Variants in ZBTB16 observed in about 807,000 individuals in gnomAD.
The protein encoded by ZBTB16 is zinc finger and BTB domain-containing protein 16.
Under a neutral mutation model 56.8 loss-of-function variants are expected in ZBTB16, and 8 were observed. That is an observed-to-expected ratio of 0.14 (90% CI 0.08 to 0.25). The LOEUF is 0.25. Among genes scored for constraint, ZBTB16 ranks in the 10% least tolerant of loss-of-function variants. ZBTB16 has a pLI of 1.00. For missense variants in ZBTB16, 625 were observed against 903.0 expected, an observed-to-expected ratio of 0.69 and a Z score of 3.95; for synonymous variants, 363 against 368.5, an observed-to-expected ratio of 0.98 and a Z score of 0.17.
In ZBTB16 at chr11:114,148,421, C is replaced by CTCTCTCTGTCTGTCTG. The variant is rs770626931; in HGVS notation, c.1269-7914_1269-7913insTCTCTGTCTGTCTGTC. Among the ~76,000 whole-genome samples the CTCTCTCTGTCTGTCTG allele has an allele frequency of 5.7e-3, 190 of 33,556 alleles. 4 individuals carry two copies. Among genetic ancestry groups the CTCTCTCTGTCTGTCTG allele is most frequent in the Non-Finnish European group, 8.1e-3 (145 of 17,820 alleles). The allele number at this position is 33,556 out of a possible 152,430, so 22.0% of individuals were successfully genotyped here. On this transcript the variant is annotated intron_variant, in intron 2 of 6. Transcript: ENST00000335953. ...CCTCCCTCCCTCCCTCCCTCCCTCC[C>CTCTCTCTGTCTGTCTG]TCCCTCTCTCTCTCTTTCTCTCTCT...
rs762738627 is a variant in ZBTB16 at position 114,235,703 on chromosome 11, C to CTTT, written c.1454-6462_1454-6460dup. On this transcript the variant is annotated intron_variant, in intron 4 of 6. Transcript: ENST00000335953. Reference sequence around the variant, plus strand: ...CTTTCTTTCTTTCTTTTCTTTCTTTCTTTTCTTTCTTTCTTTTTCTTTCTT... The same window carrying CTTT: ...CTTTCTTTCTTTCTTTTCTTTCTTTCTTTTTTTCTTTCTTTCTTTTTCTTTCTT... Among the ~76,000 whole-genome samples the CTTT allele has an allele frequency of 5.2e-3, 527 of 100,686 alleles. 3 individuals carry two copies. Among genetic ancestry groups the CTTT allele is most frequent in the African/African-American group, 7.9e-3 (200 of 25,230 alleles). The allele number at this position is 100,686 out of a possible 152,430, so 66.1% of individuals were successfully genotyped here.
At chr11:114,137,028 T>TTGAGTACA in intron 2 of ZBTB16, among the ~76,000 whole-genome samples, 1 of 152,198 alleles carries the variant, frequency 6.6e-6, no homozygotes. Context: ...TCTGGAATGC[T>TTGAGTACA]TGAGTACATT....
chr11:114,084,083 T>C (rs983066962), intron 2 of ZBTB16, among the ~76,000 whole-genome samples: 2 of 152,258 alleles, frequency 1.3e-5, no homozygotes, highest in African/African-American at 4.8e-5. Context: ...ATCTGTCCAC[T>C]GAGTGTCTCC....
chr11:114,063,675 C>T lies in ZBTB16; in HGVS notation c.375C>T (p.Ile125=), dbSNP rs754686149. Residue 125 remains isoleucine (I), a synonymous_variant, in exon 2 of 7, where the codon ATC becomes ATT. Coordinates refer to ENST00000335953, the MANE Select transcript of ZBTB16 (RefSeq NM_006006.6). This position sits in a 1 kb window ranked among gnomAD's most constrained non-coding sequence, Gnocchi z 6.5. Reference sequence around the variant, plus strand: ...AGTGCCTGAAGATGCTGGAGACCATCCAGGCCTCAGACGACAATGACACGG... The same window carrying T: ...AGTGCCTGAAGATGCTGGAGACCATTCAGGCCTCAGACGACAATGACACGG... The part of the protein sequence containing the change: ...EEQCLKMLET[I]QASDDNDTEA... 3 of 1,614,076 alleles carry T rather than the reference C, an allele frequency of 1.9e-6. No individual in the cohort carries two copies. The South Asian group carries it at 3.3e-5, about 18-fold the overall frequency.
intron 2 of ZBTB16, among the ~76,000 whole-genome samples, chr11:114,138,112 G>T (rs963886271): frequency 6.6e-6 from 1 of 152,188 alleles, no homozygotes; most frequent in African/African-American, 2.4e-5. Context: ...TGGAGAGAGA[G>T]GCAAGTGGTG....
intron 4 of ZBTB16, among the ~76,000 whole-genome samples, chr11:114,232,842 C>T (rs1239388107): frequency 6.6e-6 from 1 of 152,202 alleles, no homozygotes; most frequent in African/African-American, 2.4e-5. Context: ...TGTCCTCGCC[C>T]CCAGCGGGTG....
chr11:114,069,287 G>A (rs1022500006), intron 2 of ZBTB16, among the ~76,000 whole-genome samples: 6 of 151,800 alleles, frequency 4.0e-5, no homozygotes, highest in Non-Finnish European at 7.4e-5. Context: ...GGGTTTCACC[G>A]TGTTAGCCAG....
At chr11:114,238,306 C>T (rs563575618) in intron 4 of ZBTB16, among the ~76,000 whole-genome samples, 5 of 152,284 alleles carry the variant, frequency 3.3e-5, no homozygotes, top group African/African-American at 4.8e-5. Flanking sequence ...TAGCACCACT[C>T]GTCTTAGTCA....
chr11:114,183,103 G>T (rs987615698), intron 3 of ZBTB16, among the ~76,000 whole-genome samples: 3 of 110,780 alleles, frequency 2.7e-5, no homozygotes, highest in African/African-American at 1.2e-4. Flanking sequence ...TGGAGAGCTG[G>T]GGGGGAAGTC....
chr11:114,181,223 G>A (rs1427683620), intron 3 of ZBTB16, among the ~76,000 whole-genome samples: 1 of 152,218 alleles, frequency 6.6e-6, no homozygotes, highest in East Asian at 1.9e-4. Flanking sequence ...AGTGACTGGA[G>A]AAGATGGTAG....
At chr11:114,068,060 C>CAAAAAAAAAAA (rs4020463) in intron 2 of ZBTB16, among the ~76,000 whole-genome samples, 1 of 111,348 alleles carries the variant, frequency 9.0e-6, no homozygotes, top group African/African-American at 3.6e-5. Flanking sequence ...AAAGCCAAGA[C>CAAAAAAAAAAA]AAAAAAAAAA....
At position 114,256,022 on chromosome 11, in the gene ZBTB16, G is replaced by T. The variant is rs1035639952; in HGVS notation, c.*5467G>T. On this transcript the variant is annotated 3_prime_UTR_variant, in exon 7 of 7. Transcript: ENST00000335953. The stretch of plus-strand genomic sequence containing the variant: ...TTATTGAAGTACTTGGTTTTGTTTT[G>T]TTTTTTTTTTTTGTTTTTTTTGCCT... Among the ~76,000 whole-genome samples the T allele has an allele frequency of 9.8e-5, 14 of 143,104 alleles. No homozygotes were observed. Among genetic ancestry groups the T allele is most frequent in the South Asian group, 6.5e-4 (3 of 4,592 alleles). 93.9% of individuals were successfully genotyped at this position (143,104 alleles called of 152,430 possible). A position where few individuals can be genotyped will look rare whatever the true frequency, so the allele number is the denominator to read the frequency against.
At chr11:114,184,758 T>G (rs1406238770) in intron 3 of ZBTB16, among the ~76,000 whole-genome samples, 2 of 152,190 alleles carry the variant, frequency 1.3e-5, no homozygotes, top group Non-Finnish European at 2.9e-5. Context: ...TGGCATATAG[T>G]CAAGCCTCAG....
At chr11:114,131,386 C>G (rs1036967192) in intron 2 of ZBTB16, among the ~76,000 whole-genome samples, 1 of 152,202 alleles carries the variant, frequency 6.6e-6, no homozygotes, top group Non-Finnish European at 1.5e-5. Context: ...TTACTAAATT[C>G]TTGCACATAA....
intron 4 of ZBTB16, among the ~76,000 whole-genome samples, chr11:114,225,114 A>C (rs1313099245): frequency 1.3e-5 from 2 of 152,168 alleles, no homozygotes; most frequent in Admixed American, 1.3e-4. Flanking sequence ...GCCAGAAGTC[A>C]GTGGGGAGTT....
chr11:114,191,510 A>T (rs2135074438), intron 4 of ZBTB16, among the ~76,000 whole-genome samples: 1 of 152,266 alleles, frequency 6.6e-6, no homozygotes, highest in East Asian at 1.9e-4. Context: ...GTGCTCTAGG[A>T]TGTAGCCTAG....
At chr11:114,233,479 A>G (rs1179473938) in intron 4 of ZBTB16, among the ~76,000 whole-genome samples, 1 of 151,940 alleles carries the variant, frequency 6.6e-6, no homozygotes, top group Non-Finnish European at 1.5e-5. Context: ...TGCACCCTAG[A>G]AAGGGCAACG....
rs58946694 is a variant in ZBTB16, at chr11:114,167,232, G to GTTTTTTTTTTTTTTTTTTTTTTTT, written c.1366+10819_1366+10820insTTTTTTTTTTTTTTTTTTTTTTTT. On this transcript the variant is annotated intron_variant, in intron 3 of 6. Transcript: ENST00000335953. ...GGATTTGTGGTTTTTTTTTTTTTTG[G>GTTTTTTTTTTTTTTTTTTTTTTTT]TTTTTTTTTTTTTTTTTTTTTGACA... 3.5e-4 allele frequency among the ~76,000 whole-genome samples: 31 copies of GTTTTTTTTTTTTTTTTTTTTTTTT among 88,716 alleles called. 3 individuals are homozygous for GTTTTTTTTTTTTTTTTTTTTTTTT. The highest frequency in any genetic ancestry group is 4.4e-4 in the Admixed American group (3 of 6,784). The allele number at this position is 88,716 out of a possible 152,430, so 58.2% of individuals were successfully genotyped here.
chr11:114,114,109 G>T (rs58425872), intron 2 of ZBTB16, among the ~76,000 whole-genome samples: 18 of 152,238 alleles, frequency 1.2e-4, no homozygotes, highest in African/African-American at 4.1e-4. Context: ...ATTTATTTTC[G>T]GGAAATAAGT....
Sources: allele counts gnomAD v4.1 joint callset (sites outside exome capture counted in the v4.1 genomes callset), GRCh38; gene constraint gnomAD v4.1.1; non-coding constraint Gnocchi (gnomAD v3.1); transcripts MANE v1.5; gene names NCBI Gene and HGNC (gene_info 2026-07-23, HGNC 2026-07-21).